PCM1: variants seen among roughly 807,000 people sequenced by gnomAD.
PCM1 encodes pericentriolar material 1, also known as pericentriolar material 1 protein.
A neutral mutation model predicts 241.9 loss-of-function variants in PCM1; 157 were observed. That is an observed-to-expected ratio of 0.65 (90% CI 0.57 to 0.74). The LOEUF is 0.74. Among genes scored for constraint, PCM1 ranks in the 30% least tolerant of loss-of-function variants. The pLI, the probability that PCM1 is intolerant of heterozygous loss-of-function variation, is 0.00. For missense variants in PCM1, 3,478 were observed against 2,360.1 expected (o/e 1.47, Z -9.81); for synonymous variants, 1,085 against 784.9 (o/e 1.38, Z -6.39).
chr8:17,960,560 T>C, intron 15 of PCM1, 116 bp downstream of exon 15: 1 of 457,334 alleles, frequency 2.2e-6, no homozygotes, highest in Non-Finnish European at 3.5e-6. Flanking sequence ...AGTCTCACTC[T>C]GTTGCCCAGG....
rs1340445736 is a variant in PCM1, at chr8:18,011,830, ATT to A, written c.5511+4_5511+5del. ...AAGAAAATGAACATGATGAACAGGT[ATT>A]CCCGTATTGACTGACACACTTCCAT... On this transcript the variant is annotated splice_donor_5th_base_variant and intron_variant, in intron 34 of 38. Coordinates refer to ENST00000325083, the MANE Select transcript of PCM1 (RefSeq NM_006197.4). The A allele has an allele frequency of 4.3e-6, 7 of 1,610,484 alleles. No individual in the cohort carries two copies. The highest frequency in any genetic ancestry group is 1.3e-5 in the African/African-American group (1 of 74,860).
At chr8:18,005,197 C>G (rs1040351866) in intron 29 of PCM1, among the ~76,000 whole-genome samples, 1 of 152,004 alleles carries the variant, frequency 6.6e-6, no homozygotes, top group South Asian at 2.1e-4. Context: ...AGTAATGTCT[C>G]CTGTGAGCCA....
In PCM1 at chr8:17,962,945, A is replaced by G. The variant is rs980925861; in HGVS notation, c.2464-156A>G. ...GGCTGATTTTTTTGTAATCATAACT[A>G]TATTATTATTTTAACCTTCATGGAC... On this transcript the variant is annotated intron_variant, in intron 16 of 38. Coordinates refer to ENST00000325083, the MANE Select transcript of PCM1 (RefSeq NM_006197.4). 8.7e-6 allele frequency: 5 copies of G among 572,110 alleles called. No homozygotes were observed. The East Asian group carries it at 9.3e-5, about 11-fold the overall frequency. The allele number at this position is 572,110 out of a possible 1,614,324, so 35.4% of individuals were successfully genotyped here. A position where few individuals can be genotyped will look rare whatever the true frequency, so the allele number is the denominator to read the frequency against.
intron 29 of PCM1, 24 bp downstream of exon 29, chr8:17,993,643 A>C (rs2085561831): frequency 1.3e-6 from 2 of 1,548,820 alleles, no homozygotes; most frequent in African/African-American, 2.7e-5. Flanking sequence ...TTAAAAAATA[A>C]ACGAAACCTT....
Position 18,029,452 on chromosome 8 carries a change from A to C in PCM1, c.*1790A>C. ...CCACTTTAAGCAGGAAAGGGTAAAA[A>C]CTGTTTTGGTACTCAAGCCCAGCCT... On this transcript the variant is annotated 3_prime_UTR_variant, in exon 39 of 39. Transcript: ENST00000325083. The C allele has an allele frequency of 4.6e-6, 1 of 216,496 alleles. No homozygotes were observed. 13.4% of individuals were successfully genotyped at this position (216,496 alleles called of 1,614,324 possible).
chr8:18,026,037 G>A (rs569065767), intron 38 of PCM1, among the ~76,000 whole-genome samples: 31 of 151,160 alleles, frequency 2.1e-4, no homozygotes, highest in South Asian at 6.3e-4. Context: ...GGTGGCGGGC[G>A]CCTGTAGTGC....
Position 17,937,172 on chromosome 8 carries a change from A to G in PCM1, c.135A>G (p.Ser45=). Residue 45 remains serine, a synonymous_variant, in exon 4 of 39, where the codon TCA becomes TCG. Transcript: ENST00000325083. ...GAQQKKANRS[S]EKNKKKFGVE... ...AACAGAAGAAAGCAAATAGATCATC[A>G]GAAAAGAATAAGAAAAAGTTTGGTG... 6.3e-7 allele frequency: 1 copy of G among 1,580,158 alleles called. No homozygotes were observed. Among genetic ancestry groups the G allele is most frequent in the South Asian group, 1.2e-5 (1 of 86,736 alleles).
At chr8:17,995,957 A>G (rs1165893174) in intron 29 of PCM1, among the ~76,000 whole-genome samples, 2 of 152,174 alleles carry the variant, frequency 1.3e-5, no homozygotes, top group Non-Finnish European at 2.9e-5. Context: ...TCCAAGTATA[A>G]GATTATATAT....
chr8:17,983,825 C>T (rs1198645668), intron 24 of PCM1, among the ~76,000 whole-genome samples: 1 of 151,916 alleles, frequency 6.6e-6, no homozygotes, highest in Non-Finnish European at 1.5e-5. Flanking sequence ...TTTTTAACTC[C>T]TCTTGCAGCT....
At chr8:17,950,319 G>A (rs1029515428) in intron 7 of PCM1, among the ~76,000 whole-genome samples, 2 of 152,090 alleles carry the variant, frequency 1.3e-5, no homozygotes, top group Non-Finnish European at 2.9e-5. Flanking sequence ...ACTGATCTTA[G>A]ACCTGCTCCA....
intron 29 of PCM1, among the ~76,000 whole-genome samples, chr8:18,002,954 G>T (rs529528309): frequency 6.6e-6 from 1 of 152,120 alleles, no homozygotes; most frequent in Non-Finnish European, 1.5e-5. Flanking sequence ...CACTTCTGAG[G>T]CCTTGGCACT....
rs192587150 is a variant in PCM1, at chr8:17,978,923, A to G, written c.3944-1668A>G. On this transcript the variant is annotated intron_variant, in intron 23 of 38. Coordinates refer to ENST00000325083, the MANE Select transcript of PCM1 (RefSeq NM_006197.4). Reference sequence around the variant, plus strand: ...GAAATCTGTCAACATAATTTATTCTATCAAAGGGACAAATAATCATAGAAG... The same window carrying G: ...GAAATCTGTCAACATAATTTATTCTGTCAAAGGGACAAATAATCATAGAAG... Among the ~76,000 whole-genome samples, 249 of 152,320 alleles carry G rather than the reference A, an allele frequency of 1.6e-3. 2 individuals are homozygous for G. The highest frequency in any genetic ancestry group is 3.8e-3 in the African/African-American group (158 of 41,570).
intron 29 of PCM1, among the ~76,000 whole-genome samples, chr8:18,004,851 G>C (rs2090797333): frequency 6.6e-6 from 1 of 152,006 alleles, no homozygotes. Context: ...TGTCGTAATA[G>C]GCATGAAGTG....
rs2075418164 is a variant in PCM1 at position 17,967,701 on chromosome 8, A to C, written c.3412+531A>C. Among the ~76,000 whole-genome samples the C allele has an allele frequency of 2.0e-5, 3 of 152,250 alleles. No individual in the cohort carries two copies. The South Asian group carries it at 6.2e-4, about 32-fold the overall frequency. ...ATGATTGCTTCAACTATTTATTAAG[A>C]GGAAAGAGAACCTGTTCAATGGCTG... On this transcript the variant is annotated intron_variant, in intron 21 of 38. Coordinates refer to ENST00000325083, the MANE Select transcript of PCM1 (RefSeq NM_006197.4).
At position 18,028,989 on chromosome 8, in the gene PCM1, A is replaced by G. The variant is rs192044564; in HGVS notation, c.*1327A>G. On this transcript the variant is annotated 3_prime_UTR_variant, in exon 39 of 39. Transcript: ENST00000325083. Reference sequence around the variant, plus strand: ...ACATGGGGGAAACCCCGTCTCTACTAAAAATAAAAAAATTAGCTGGGAGAG... The same window carrying G: ...ACATGGGGGAAACCCCGTCTCTACTGAAAATAAAAAAATTAGCTGGGAGAG... The G allele has an allele frequency of 4.8e-3, 847 of 177,066 alleles. 8 individuals are homozygous for G. Among genetic ancestry groups the G allele is most frequent in the African/African-American group, 0.018 (782 of 42,360 alleles). The allele number at this position is 177,066 out of a possible 1,614,324, so 11.0% of individuals were successfully genotyped here. A position where few individuals can be genotyped will look rare whatever the true frequency, so the allele number is the denominator to read the frequency against.
intron 31 of PCM1, 55 bp from the exon 32 acceptor site, chr8:18,010,554 T>C: frequency 1.5e-6 from 2 of 1,335,890 alleles, no homozygotes; most frequent in Non-Finnish European, 2.1e-6. Context: ...TGAGAAATGC[T>C]AAATTATGTA....
At chr8:17,964,084 A>G (rs769484196) in intron 17 of PCM1, among the ~76,000 whole-genome samples, 7 of 152,236 alleles carry the variant, frequency 4.6e-5, no homozygotes, top group Non-Finnish European at 7.3e-5. Context: ...GCTGTCCAGT[A>G]TGGCAGCCAC....
rs756875903 is a variant in PCM1 at position 17,938,841 on chromosome 8, T to G, written c.444T>G (p.Ile148Met). 1 of 1,613,650 alleles carries G rather than the reference T, an allele frequency of 6.2e-7. No homozygotes were observed. The highest frequency in any genetic ancestry group is 8.5e-7 in the Non-Finnish European group (1 of 1,179,542). The change falls in exon 5 of 39, where the codon ATT becomes ATG. Residue 148 changes from isoleucine (I) to methionine (M), a missense_variant. Transcript: ENST00000325083. Reference sequence around the variant, plus strand: ...CCTTCAACTTTTTGCCTATGCAGATTAATACTAACAAGAGCAAAGATGCAT... The same window carrying G: ...CCTTCAACTTTTTGCCTATGCAGATGAATACTAACAAGAGCAAAGATGCAT... The part of the protein sequence containing the change: ...RKPFNFLPMQ[I>M]NTNKSKDAST...
At chr8:17,942,856 G>C (rs576249164) in intron 6 of PCM1, among the ~76,000 whole-genome samples, 1 of 152,148 alleles carries the variant, frequency 6.6e-6, no homozygotes, top group Non-Finnish European at 1.5e-5. Context: ...AATTAGCCAG[G>C]TGTGGTAGTA....
Sources: allele counts gnomAD v4.1 joint callset (sites outside exome capture counted in the v4.1 genomes callset), GRCh38; gene constraint gnomAD v4.1.1; transcripts MANE v1.5; gene names NCBI Gene and HGNC (gene_info 2026-07-23, HGNC 2026-07-21).